The following TMEM131L variants were observed in gnomAD, a reference collection of about 807,000 sequenced individuals.
TMEM131L encodes the protein transmembrane protein 131-like.
Under a neutral mutation model 192.2 loss-of-function variants are expected in TMEM131L, and 54 were observed. The ratio of observed to expected loss-of-function variants is 0.28; its 90% CI spans 0.23 to 0.35. TMEM131L has a LOEUF of 0.35. TMEM131L is among the 10% of genes least tolerant of loss of function. The pLI is 1.00. For missense variants in TMEM131L, 1,888 were observed against 1,972.9 expected (o/e 0.96, Z 0.82); for synonymous variants, 701 against 704.9 (o/e 0.99, Z 0.09).
intron 3 of TMEM131L, among the ~76,000 whole-genome samples, chr4:153,508,817 T>C (rs1734159923): frequency 6.6e-6 from 1 of 151,888 alleles, no homozygotes; most frequent in South Asian, 2.1e-4. Context: ...GCTAATTTTT[T>C]ATTTTTCATA....
intron 7 of TMEM131L, among the ~76,000 whole-genome samples, chr4:153,567,448 C>T (rs1298726551): frequency 6.6e-6 from 1 of 151,910 alleles, no homozygotes; most frequent in South Asian, 2.1e-4. Flanking sequence ...AGTTTTTTGT[C>T]CTACCTCCAA....
intron 3 of TMEM131L, among the ~76,000 whole-genome samples, chr4:153,476,202 G>A (rs1051018589): frequency 3.3e-5 from 5 of 152,064 alleles, no homozygotes; most frequent in African/African-American, 4.8e-5. Flanking sequence ...CAGGTTATCC[G>A]CCGGCCTCAG....
At chr4:153,466,874 C>T (rs1730789706) in intron 1 of TMEM131L, among the ~76,000 whole-genome samples, 1 of 152,146 alleles carries the variant, frequency 6.6e-6, no homozygotes, top group Admixed American at 6.5e-5. Flanking sequence ...CTTTGTTCCC[C>T]CGAGCCTGGC....
At chr4:153,577,334 T>C (rs1014181003) in intron 7 of TMEM131L, among the ~76,000 whole-genome samples, 2 of 152,162 alleles carry the variant, frequency 1.3e-5, no homozygotes, top group East Asian at 3.8e-4. Flanking sequence ...GATTTGTATA[T>C]GGGTAAATTC....
chr4:153,512,858 G>A (rs973186843), intron 3 of TMEM131L, among the ~76,000 whole-genome samples: 5 of 151,964 alleles, frequency 3.3e-5, no homozygotes, highest in East Asian at 1.9e-4. Flanking sequence ...GTGATCCGCC[G>A]ACCTCAGCCT....
intron 3 of TMEM131L, among the ~76,000 whole-genome samples, chr4:153,534,651 T>A (rs149974301): frequency 2.7e-3 from 416 of 152,284 alleles, no homozygotes; most frequent in African/African-American, 9.7e-3. Context: ...GCCAGGATGG[T>A]CTCTATCTCC....
chr4:153,494,249 A>T (rs868061434), intron 3 of TMEM131L, among the ~76,000 whole-genome samples: 3 of 152,244 alleles, frequency 2.0e-5, no homozygotes, highest in Non-Finnish European at 4.4e-5. Flanking sequence ...GCGAAATTCC[A>T]TTCTTAAGAA....
chr4:153,602,519 A>C (rs1218398220), intron 22 of TMEM131L, 23 bp from the exon 23 acceptor site: 1 of 1,610,032 alleles, frequency 6.2e-7, no homozygotes, highest in East Asian at 2.2e-5. Flanking sequence ...AAAAGTTCAT[A>C]AAGATGACTC....
chr4:153,620,702 T>G, intron 26 of TMEM131L, 54 bp from the exon 27 acceptor site: 1 of 1,201,618 alleles, frequency 8.3e-7, no homozygotes, highest in East Asian at 2.6e-5. Context: ...CATTTAAACA[T>G]GTTTTTATTC....
intron 3 of TMEM131L, among the ~76,000 whole-genome samples, chr4:153,496,819 T>A (rs1423815720): frequency 6.6e-6 from 1 of 151,796 alleles, no homozygotes; most frequent in African/African-American, 2.4e-5. Context: ...CCCAAAGTGC[T>A]GGGATTACAG....
chr4:153,475,667 T>G, intron 3 of TMEM131L, among the ~76,000 whole-genome samples: 1 of 150,216 alleles, frequency 6.7e-6, no homozygotes, highest in East Asian at 1.9e-4. Context: ...CAACAAACTG[T>G]GGATCGAAAA....
chr4:153,488,569 C>T (rs1317624052), intron 3 of TMEM131L, among the ~76,000 whole-genome samples: 3 of 152,236 alleles, frequency 2.0e-5, no homozygotes, highest in Admixed American at 6.5e-5. Context: ...CACAGCAACC[C>T]GGGGATTCCC....
intron 4 of TMEM131L, among the ~76,000 whole-genome samples, chr4:153,553,131 AC>A (rs1737756214): frequency 6.6e-6 from 1 of 152,204 alleles, no homozygotes; most frequent in Non-Finnish European, 1.5e-5. Context: ...AGATGGAATC[AC>A]CTTTGGAGGA....
intron 3 of TMEM131L, among the ~76,000 whole-genome samples, chr4:153,504,076 C>T (rs1399040575): frequency 2.0e-5 from 3 of 151,678 alleles, no homozygotes; most frequent in Admixed American, 6.6e-5. Context: ...ACGCCATTCT[C>T]CTGCCTCAGC....
chr4:153,608,330 A>G (rs1422562656), intron 25 of TMEM131L, among the ~76,000 whole-genome samples: 1 of 152,194 alleles, frequency 6.6e-6, no homozygotes, highest in South Asian at 2.1e-4. Flanking sequence ...AAACTTGTCA[A>G]ACATTCGTTA....
At chr4:153,494,976 A>G (rs1467142778) in intron 3 of TMEM131L, among the ~76,000 whole-genome samples, 3 of 152,172 alleles carry the variant, frequency 2.0e-5, no homozygotes, top group South Asian at 4.1e-4. Context: ...CTATTCACCA[A>G]ACTCTGAACC....
At chr4:153,502,227 A>G (rs1235196149) in intron 3 of TMEM131L, among the ~76,000 whole-genome samples, 1 of 152,084 alleles carries the variant, frequency 6.6e-6, no homozygotes, top group Non-Finnish European at 1.5e-5. Context: ...TACAGGTGTG[A>G]ACCACCGCGG....
chr4:153,525,239 C>T (rs908310479), intron 3 of TMEM131L, among the ~76,000 whole-genome samples: 8 of 152,102 alleles, frequency 5.3e-5, no homozygotes, highest in Admixed American at 6.6e-5. Context: ...AGGATTTTTC[C>T]GTTTTTAAAA....
chr4:153,627,585 C>G lies in TMEM131L; in HGVS notation c.4125-20C>G. 1 of 1,602,912 alleles carries G rather than the reference C, an allele frequency of 6.2e-7. No homozygotes were observed. Among genetic ancestry groups the G allele is most frequent in the Non-Finnish European group, 8.5e-7 (1 of 1,169,990 alleles). On this transcript the variant is annotated intron_variant, in intron 30 of 34. Transcript: ENST00000409959. Reference sequence around the variant, plus strand: ...GTGCAGAAAAAATGAGTCGTTCCTCCTTTGCCCTCTTCCCCACAGGACCGT... The same window carrying G: ...GTGCAGAAAAAATGAGTCGTTCCTCGTTTGCCCTCTTCCCCACAGGACCGT...
Sources: allele counts gnomAD v4.1 joint callset (sites outside exome capture counted in the v4.1 genomes callset), GRCh38; gene constraint gnomAD v4.1.1; transcripts MANE v1.5; gene names NCBI Gene and HGNC (gene_info 2026-07-23, HGNC 2026-07-21).